The following SOX13 variants were observed in gnomAD, a reference collection of about 807,000 sequenced individuals.
SOX13 encodes SRY-box transcription factor 13.
SOX13 carries 28 observed loss-of-function variants against 71.8 expected under a neutral mutation model. The observed-to-expected ratio is 0.39, with a 90% CI of 0.29 to 0.53. SOX13 has a LOEUF of 0.53. Ranked by LOEUF, SOX13 falls within the 20% of genes least tolerant of loss-of-function variation. The pLI is 0.70. For synonymous variants in SOX13, 309 were observed against 317.8 expected, an observed-to-expected ratio of 0.97 and a Z score of 0.29; for missense variants, 627 against 810.3, an observed-to-expected ratio of 0.77 and a Z score of 2.75.
At chr1:204,093,029 G>A (rs1415325454) in intron 1 of SOX13, among the ~76,000 whole-genome samples, 1 of 152,286 alleles carries the variant, frequency 6.6e-6, no homozygotes, top group South Asian at 2.1e-4. Flanking sequence ...ATTTGTTGCT[G>A]TGATTATTCT....
rs188298418 is a variant in SOX13 at position 204,122,646 on chromosome 1, T to C, written c.1025-208T>C. The C allele has an allele frequency of 1.2e-5, 7 of 603,228 alleles. No individual in the cohort carries two copies. In the East Asian group the frequency reaches 1.9e-4, roughly 17 times the overall value. 37.4% of individuals were successfully genotyped at this position (603,228 alleles called of 1,614,324 possible). Reference sequence around the variant, plus strand: ...GGGGGTACTGTTGTCATTTCTAGTCTATTGACATGCACAATAACTAGCCAG... The same window carrying C: ...GGGGGTACTGTTGTCATTTCTAGTCCATTGACATGCACAATAACTAGCCAG... On this transcript the variant is annotated intron_variant, in intron 9 of 13. Transcript: ENST00000367204.
chr1:204,124,413 G>T (rs1656875896), intron 12 of SOX13, among the ~76,000 whole-genome samples: 1 of 152,250 alleles, frequency 6.6e-6, no homozygotes, highest in Non-Finnish European at 1.5e-5. Context: ...GAACATGGGT[G>T]GGTACTGAGT....
intron 1 of SOX13, among the ~76,000 whole-genome samples, chr1:204,075,159 G>A (rs1034647131): frequency 2.0e-5 from 3 of 152,198 alleles, no homozygotes; most frequent in African/African-American, 7.2e-5. Flanking sequence ...TTGGAGTCCA[G>A]GGAGGCAAGC....
At chr1:204,116,384 C>T (rs1656694972) in intron 4 of SOX13, 123 bp from the exon 5 acceptor site, 1 of 1,586,260 alleles carries the variant, frequency 6.3e-7, no homozygotes, top group Non-Finnish European at 8.6e-7. Flanking sequence ...TGTGGCTCAG[C>T]CCCTAATGGT....
At chr1:204,121,201 G>A (rs984579985) in intron 7 of SOX13, among the ~76,000 whole-genome samples, 1 of 152,030 alleles carries the variant, frequency 6.6e-6, no homozygotes, top group Non-Finnish European at 1.5e-5. Flanking sequence ...GCTGGTCAGG[G>A]TGGTCTCGAA....
chr1:204,092,610 T>C (rs1656170265), intron 1 of SOX13, among the ~76,000 whole-genome samples: 1 of 152,188 alleles, frequency 6.6e-6, no homozygotes, highest in African/African-American at 2.4e-5. Context: ...ACCTGGAGTA[T>C]AGAAGGCTTT....
chr1:204,122,704 C>A, intron 9 of SOX13, 150 bp from the exon 10 acceptor site: 2 of 623,260 alleles, frequency 3.2e-6, no homozygotes, highest in South Asian at 4.0e-5. Flanking sequence ...ACATGCAATG[C>A]AGCCGCCCTG....
In SOX13 at chr1:204,123,046, G is replaced by C; in HGVS notation, c.1135-66G>C. On this transcript the variant is annotated intron_variant, in intron 10 of 13. Transcript: ENST00000367204. The surrounding 1 kb of genome is among the most constrained non-coding windows in gnomAD (Gnocchi z 5.0). ...AAGACACAGTCTGAGGCCACCAAGAGAGGAGCATGGGGAGGAGTGGGGTGA... is the reference window on the plus strand; with the variant it reads ...AAGACACAGTCTGAGGCCACCAAGACAGGAGCATGGGGAGGAGTGGGGTGA... 1.3e-6 allele frequency: 2 copies of C among 1,521,854 alleles called. No individual in the cohort carries two copies. The highest frequency in any genetic ancestry group is 2.3e-5 in the East Asian group (1 of 44,184). The allele number at this position is 1,521,854 out of a possible 1,614,324, so 94.3% of individuals were successfully genotyped here.
At chr1:204,110,497 A>G (rs1656559143) in intron 1 of SOX13, among the ~76,000 whole-genome samples, 1 of 152,090 alleles carries the variant, frequency 6.6e-6, no homozygotes, top group South Asian at 2.1e-4. Context: ...AATGTTAATC[A>G]TATATAAATA....
intron 1 of SOX13, among the ~76,000 whole-genome samples, chr1:204,096,904 C>A (rs923724322): frequency 1.3e-5 from 2 of 151,952 alleles, no homozygotes; most frequent in South Asian, 4.1e-4. Context: ...AATAGCCATC[C>A]TCTTGGGTAT....
At chr1:204,116,486 G>T (rs1341092982) in intron 4 of SOX13, 21 bp from the exon 5 acceptor site, 3 of 1,613,132 alleles carry the variant, frequency 1.9e-6, no homozygotes, top group Admixed American at 1.7e-5. Context: ...TCTCAATGGG[G>T]TCTGTTTCAC....
chr1:204,095,652 A>G (rs1656238269), intron 1 of SOX13, among the ~76,000 whole-genome samples: 1 of 152,136 alleles, frequency 6.6e-6, no homozygotes, highest in African/African-American at 2.4e-5. Flanking sequence ...TGTTCTCTCC[A>G]TCTTTTAAAA....
In SOX13 at chr1:204,123,947, G is replaced by A. The variant is rs1571596728; in HGVS notation, c.1375+143G>A. 3.2e-6 allele frequency: 3 copies of A among 929,820 alleles called. No individual in the cohort carries two copies. Among genetic ancestry groups the A allele is most frequent in the East Asian group, 5.3e-5 (2 of 37,712 alleles). The allele number at this position is 929,820 out of a possible 1,614,324, so 57.6% of individuals were successfully genotyped here. ...CGACAGGGGTGCAGGAGTTGCTGGG[G>A]ATGTGAGGGCAGCTGGGTCCTGGGG... On this transcript the variant is annotated intron_variant, in intron 12 of 13. Coordinates refer to ENST00000367204, the MANE Select transcript of SOX13 (RefSeq NM_005686.3). This position sits in a 1 kb window ranked among gnomAD's most constrained non-coding sequence, Gnocchi z 5.0.
chr1:204,112,607 C>T (rs992974973), intron 1 of SOX13, among the ~76,000 whole-genome samples: 2 of 151,864 alleles, frequency 1.3e-5, no homozygotes, highest in African/African-American at 4.8e-5. Flanking sequence ...TTAGTTGGGC[C>T]GTCAGTCCAC....
chr1:204,090,050 T>C (rs1656109919), intron 1 of SOX13, among the ~76,000 whole-genome samples: 1 of 152,120 alleles, frequency 6.6e-6, no homozygotes, highest in South Asian at 2.1e-4. Context: ...GCTGGGCCTC[T>C]GGTGGGAGCC....
At chr1:204,080,792 G>A (rs1052529674) in intron 1 of SOX13, among the ~76,000 whole-genome samples, 1 of 152,050 alleles carries the variant, frequency 6.6e-6, no homozygotes, top group Non-Finnish European at 1.5e-5. Context: ...GCCATTTGAA[G>A]GTTTTCATAT....
chr1:204,118,163 T>C (rs1656732018), intron 7 of SOX13: 2 of 159,338 alleles, frequency 1.3e-5, no homozygotes, highest in Non-Finnish European at 2.8e-5. Flanking sequence ...GGTGCATGCC[T>C]GTAGTCCCAG....
In SOX13 at chr1:204,076,391, C is replaced by A. The variant is rs973712367; in HGVS notation, c.-2+2680C>A. Among the ~76,000 whole-genome samples, 8 of 152,272 alleles carry A rather than the reference C, an allele frequency of 5.3e-5. No homozygotes were observed. The South Asian group carries it at 1.7e-3, about 32-fold the overall frequency. ...ACTGTCCCAGGAGGAGCCCTGCTCC[C>A]TGGGTAGTGTCTGTGTCTCCTGCTG... is the stretch of plus-strand genomic sequence containing the variant. On this transcript the variant is annotated intron_variant, in intron 1 of 13. Transcript: ENST00000367204.
intron 1 of SOX13, chr1:204,078,251 GA>G (rs34503989): frequency 0.27 from 41,520 of 152,096 alleles, 5,967 homozygotes; most frequent in South Asian, 0.47. Context: ...TCCACCAAGG[GA>G]TCTAGGTGTC....
Sources: gnomAD v4.1 joint callset for allele counts (sites outside exome capture counted in the v4.1 genomes callset) on GRCh38, gnomAD v4.1.1 for gene constraint, Gnocchi (gnomAD v3.1) non-coding constraint, MANE v1.5 for transcripts, NCBI Gene and HGNC (gene_info 2026-07-23, HGNC 2026-07-21) for gene names.